SLIT3: variants seen among roughly 807,000 people sequenced by gnomAD.
SLIT3 encodes slit guidance ligand 3.
Under a neutral mutation model 184.0 loss-of-function variants are expected in SLIT3, and 68 were observed. That is an observed-to-expected ratio of 0.37 (90% CI 0.30 to 0.45). The LOEUF (loss-of-function observed/expected upper bound fraction) is 0.45. SLIT3 is among the 20% of genes least tolerant of loss of function. The probability of loss-of-function intolerance (pLI) is 1.00; values close to 1 mark genes in which losing one functional copy is unlikely to be tolerated. For synonymous variants in SLIT3, 831 were observed against 828.6 expected, an observed-to-expected ratio of 1.00 and a Z score of -0.05; for missense variants, 1,707 against 2,026.0, an observed-to-expected ratio of 0.84 and a Z score of 3.02.
chr5:168,957,781 G>C (rs1452685423), intron 4 of SLIT3, among the ~76,000 whole-genome samples: 1 of 152,056 alleles, frequency 6.6e-6, no homozygotes, highest in Non-Finnish European at 1.5e-5. Context: ...GTTGGGGGCG[G>C]GAGGGCCACA....
chr5:168,987,698 G>A (rs956991564), intron 4 of SLIT3, among the ~76,000 whole-genome samples: 1 of 152,196 alleles, frequency 6.6e-6, no homozygotes, highest in Non-Finnish European at 1.5e-5. Flanking sequence ...TTTAAACCCA[G>A]AGGCATTTAG....
intron 33 of SLIT3, among the ~76,000 whole-genome samples, 165 bp from the exon 34 acceptor site, chr5:168,671,648 G>A (rs1401671984): frequency 2.6e-5 from 4 of 152,172 alleles, no homozygotes; most frequent in African/African-American, 7.2e-5. Flanking sequence ...ATACAGGGAC[G>A]TGCATCCTTG....
chr5:169,141,687 C>T (rs563426778), intron 4 of SLIT3, among the ~76,000 whole-genome samples: 5 of 150,522 alleles, frequency 3.3e-5, no homozygotes, highest in South Asian at 2.1e-4. Flanking sequence ...TGCAGTAAGC[C>T]GAGATCGCGC....
At chr5:169,014,609 G>A (rs1386197798) in intron 4 of SLIT3, among the ~76,000 whole-genome samples, 1 of 152,208 alleles carries the variant, frequency 6.6e-6, no homozygotes, top group African/African-American at 2.4e-5. Context: ...AGAGAAGGAA[G>A]GAAAATAGGG....
At chr5:169,136,040 AAC>A (rs1406300025) in intron 4 of SLIT3, among the ~76,000 whole-genome samples, 5 of 152,158 alleles carry the variant, frequency 3.3e-5, no homozygotes, top group Non-Finnish European at 7.3e-5. Context: ...CAGTCTCTTG[AAC>A]ATAAGGAAAT....
chr5:168,749,812 G>A (rs1054160652), intron 18 of SLIT3, among the ~76,000 whole-genome samples, 177 bp from the exon 19 acceptor site: 1 of 152,120 alleles, frequency 6.6e-6, no homozygotes, highest in Admixed American at 6.5e-5. Flanking sequence ...CGCCTCTGAT[G>A]GATGTGGCTG....
At chr5:169,242,863 C>T (rs533408432) in intron 3 of SLIT3, among the ~76,000 whole-genome samples, 1 of 152,196 alleles carries the variant, frequency 6.6e-6, no homozygotes, top group Non-Finnish European at 1.5e-5. Context: ...AGAAAAGAGG[C>T]TTTGCCAAAA....
chr5:169,254,039 G>A lies in SLIT3; in HGVS notation c.198-2580C>T, dbSNP rs73805046. On this transcript the variant is annotated intron_variant, in intron 1 of 35. Transcript: ENST00000519560. ...ACCTCCCAAACACACATACTGCCAG[G>A]AAGGCCAGGGAGCACGTGGGCTTTG... is the stretch of plus-strand genomic sequence containing the variant. Among the ~76,000 whole-genome samples the A allele has an allele frequency of 6.1e-3, 927 of 152,298 alleles. 12 individuals are homozygous for A. The highest frequency in any genetic ancestry group is 0.021 in the African/African-American group (866 of 41,558).
intron 4 of SLIT3, among the ~76,000 whole-genome samples, chr5:168,883,638 TTC>T (rs1461934100): frequency 1.3e-5 from 2 of 152,100 alleles, no homozygotes; most frequent in African/African-American, 4.8e-5. Context: ...CTGCACCCAA[TTC>T]TCTGTTTTCC....
At position 168,808,155 on chromosome 5, in the gene SLIT3, TG is replaced by T. The variant is rs1400420918; in HGVS notation, c.794-1569del. Among the ~76,000 whole-genome samples the T allele has an allele frequency of 2.6e-5, 4 of 151,538 alleles. No individual in the cohort carries two copies. In the East Asian group the frequency reaches 7.7e-4, roughly 29 times the overall value. On this transcript the variant is annotated intron_variant, in intron 8 of 35. Transcript: ENST00000519560. ...GCCAGTGCTACACAAGTGGATCTAA[TG>T]GAGACCATGGAAAATGCCCGAAAGA...
intron 14 of SLIT3, 86 bp downstream of exon 14, chr5:168,772,695 G>T: frequency 6.8e-7 from 1 of 1,463,694 alleles, no homozygotes; most frequent in Non-Finnish European, 9.5e-7. Context: ...TACAGTGCTC[G>T]CTGTCCTCCA....
chr5:168,739,750 C>A (rs979816369), intron 20 of SLIT3, among the ~76,000 whole-genome samples: 2 of 152,114 alleles, frequency 1.3e-5, no homozygotes, highest in Non-Finnish European at 2.9e-5. Context: ...CCGGCTCCTC[C>A]CTTTTCAAAT....
intron 4 of SLIT3, among the ~76,000 whole-genome samples, chr5:169,021,415 A>G (rs1216474072): frequency 6.6e-6 from 1 of 151,808 alleles, no homozygotes; most frequent in Non-Finnish European, 1.5e-5. Flanking sequence ...CAGTGATATG[A>G]TCTCGGCTCA....
At chr5:168,676,358 A>G (rs1185324875) in intron 32 of SLIT3, among the ~76,000 whole-genome samples, 2 of 152,208 alleles carry the variant, frequency 1.3e-5, no homozygotes, top group Admixed American at 6.5e-5. Flanking sequence ...CAACTTATCA[A>G]TGTAAGGTCT....
rs529725661 is a variant in SLIT3, at chr5:168,772,768, G to A, written c.1459+13C>T. On this transcript the variant is annotated intron_variant, in intron 14 of 35. Transcript: ENST00000519560. ...GAGTCAGAAAGCGGGGCCCAGCCCCGTAACCTGATTACCTGAGCAGCGGAA... is the reference window on the plus strand; with the variant it reads ...GAGTCAGAAAGCGGGGCCCAGCCCCATAACCTGATTACCTGAGCAGCGGAA... The A allele has an allele frequency of 6.9e-5, 111 of 1,614,042 alleles. No homozygotes were observed. The African/African-American group carries it at 7.1e-4, about 10-fold the overall frequency.
At chr5:168,775,478 C>T (rs1471793502) in intron 12 of SLIT3, among the ~76,000 whole-genome samples, 4 of 152,066 alleles carry the variant, frequency 2.6e-5, no homozygotes, top group Non-Finnish European at 5.9e-5. Context: ...AGAGGCCGGC[C>T]CTGACCCCCT....
rs1761004736 is a variant in SLIT3 at position 168,665,489 on chromosome 5, G to A, written c.*965C>T. 1 of 152,174 alleles carries A rather than the reference G, an allele frequency of 6.6e-6. No individual in the cohort carries two copies. Among genetic ancestry groups the A allele is most frequent in the Non-Finnish European group, 1.5e-5 (1 of 68,058 alleles). 9.4% of individuals were successfully genotyped at this position (152,174 alleles called of 1,614,324 possible). On this transcript the variant is annotated 3_prime_UTR_variant, in exon 36 of 36. Coordinates refer to ENST00000519560, the MANE Select transcript of SLIT3 (RefSeq NM_003062.4). The stretch of plus-strand genomic sequence containing the variant: ...CCAATGAAAAATTACCTGGAAGGAG[G>A]AGAGAGGGCCAGTGCATGGGTCCTG...
intron 9 of SLIT3, 113 bp from the exon 10 acceptor site, chr5:168,795,691 T>C (rs1365204115): frequency 1.2e-6 from 1 of 834,206 alleles, no homozygotes; most frequent in Non-Finnish European, 2.1e-6. Flanking sequence ...TTGTCACAGG[T>C]GCACGGTCTG....
intron 4 of SLIT3, among the ~76,000 whole-genome samples, chr5:168,956,824 C>A (rs114046320): frequency 6.6e-6 from 1 of 151,610 alleles, no homozygotes; most frequent in African/African-American, 2.4e-5. Flanking sequence ...CAGAAGGTAG[C>A]AAGATTTTGA....
Sources: allele counts gnomAD v4.1 joint callset (sites outside exome capture counted in the v4.1 genomes callset), GRCh38; gene constraint gnomAD v4.1.1; transcripts MANE v1.5; gene names NCBI Gene and HGNC (gene_info 2026-07-23, HGNC 2026-07-21).